Variants in SGCZ observed in about 807,000 individuals in gnomAD.
SGCZ encodes zeta-sarcoglycan.
A neutral mutation model predicts 41.3 loss-of-function variants in SGCZ; 40 were observed. The observed-to-expected ratio is 0.97, with a 90% CI of 0.75 to 1.26. SGCZ has a LOEUF of 1.26. Among genes scored for constraint, SGCZ ranks in the 50% most tolerant of loss-of-function variants. SGCZ has a pLI of 0.00. For missense variants in SGCZ, 552 were observed against 369.8 expected, an observed-to-expected ratio of 1.49 and a Z score of -4.04; for synonymous variants, 206 against 137.5, an observed-to-expected ratio of 1.50 and a Z score of -3.49.
intron 1 of SGCZ, among the ~76,000 whole-genome samples, chr8:14,752,379 G>C (rs999055521): frequency 6.6e-6 from 1 of 152,090 alleles, no homozygotes; most frequent in Admixed American, 6.6e-5. Flanking sequence ...GCCAGCCCTA[G>C]GTCTAACAAA....
chr8:14,153,494 G>A (rs1428502793), intron 5 of SGCZ, among the ~76,000 whole-genome samples: 1 of 152,110 alleles, frequency 6.6e-6, no homozygotes, highest in African/African-American at 2.4e-5. Context: ...ATCCCATAGA[G>A]TAAAGTGACC....
intron 1 of SGCZ, among the ~76,000 whole-genome samples, chr8:14,975,215 A>G (rs1801425048): frequency 6.6e-6 from 1 of 152,196 alleles, no homozygotes; most frequent in African/African-American, 2.4e-5. Context: ...CTGAGGCAGG[A>G]GAATCATTTG....
chr8:14,398,373 G>C lies in SGCZ; in HGVS notation c.235-74169C>G, dbSNP rs150107763. Among the ~76,000 whole-genome samples, 678 of 152,240 alleles carry C rather than the reference G, an allele frequency of 4.5e-3. 1 individual carries two copies. The highest frequency in any genetic ancestry group is 0.02 in the Middle Eastern group (6 of 294). ...ATTACTGATAGTTCTCACTGTTCAA[G>C]CATCCTTTCCTCCTAGATGTGAACT... On this transcript the variant is annotated intron_variant, in intron 2 of 7. Coordinates refer to ENST00000382080, the MANE Select transcript of SGCZ (RefSeq NM_139167.4).
intron 1 of SGCZ, among the ~76,000 whole-genome samples, chr8:14,720,973 A>G (rs1449980944): frequency 6.6e-6 from 1 of 152,050 alleles, no homozygotes; most frequent in Non-Finnish European, 1.5e-5. Flanking sequence ...GCAAAGGCCA[A>G]TAAGTTCTTA....
At chr8:14,518,894 CAA>C (rs370947291) in intron 2 of SGCZ, among the ~76,000 whole-genome samples, 6 of 128,198 alleles carry the variant, frequency 4.7e-5, no homozygotes, top group Admixed American at 8.2e-5. Context: ...CCATCTCTAC[CAA>C]AAAAAAAAAA....
chr8:14,549,473 T>G (rs984250117), intron 2 of SGCZ, among the ~76,000 whole-genome samples: 7 of 151,962 alleles, frequency 4.6e-5, no homozygotes, highest in African/African-American at 1.7e-4. Flanking sequence ...ATTAAAACAT[T>G]AAATTTGAAG....
At chr8:14,870,458 C>T (rs1039792861) in intron 1 of SGCZ, among the ~76,000 whole-genome samples, 1 of 152,102 alleles carries the variant, frequency 6.6e-6, no homozygotes, top group Admixed American at 6.6e-5. Flanking sequence ...AGGACTTAAA[C>T]ATAAGACTTA....
intron 1 of SGCZ, among the ~76,000 whole-genome samples, chr8:15,001,585 C>G (rs1002367876): frequency 6.6e-6 from 1 of 151,776 alleles, no homozygotes; most frequent in Non-Finnish European, 1.5e-5. Context: ...AAAAATAAGC[C>G]GGACATGTTG....
At chr8:14,624,920 A>G (rs1361643126) in intron 1 of SGCZ, among the ~76,000 whole-genome samples, 1 of 152,118 alleles carries the variant, frequency 6.6e-6, no homozygotes, top group African/African-American at 2.4e-5. Flanking sequence ...GAGGGTACAC[A>G]AAAGGTATAG....
chr8:15,011,392 A>C (rs1210345458), intron 1 of SGCZ, among the ~76,000 whole-genome samples: 1 of 152,222 alleles, frequency 6.6e-6, no homozygotes, highest in East Asian at 1.9e-4. Flanking sequence ...ATGTTTGTTA[A>C]AGCAATTCAA....
rs1802482921 is a variant in SGCZ at position 14,115,059 on chromosome 8, A to T, written c.548-6824T>A. The stretch of plus-strand genomic sequence containing the variant: ...TTCCTACCTCCAAAAAAAATGAAAA[A>T]ATTACAGTGGACGAGCAGAGCTTTC... On this transcript the variant is annotated intron_variant, in intron 5 of 7. Transcript: ENST00000382080. 2.0e-5 allele frequency among the ~76,000 whole-genome samples: 3 copies of T among 152,018 alleles called. No individual in the cohort carries two copies. In the South Asian group the frequency reaches 6.2e-4, roughly 31 times the overall value.
intron 2 of SGCZ, among the ~76,000 whole-genome samples, chr8:14,492,174 G>C (rs1314731100): frequency 7.9e-5 from 12 of 152,222 alleles, no homozygotes; most frequent in Non-Finnish European, 2.9e-5. Context: ...TGATGAAATT[G>C]TGTTGAATAA....
chr8:14,285,602 T>C (rs537080934), intron 3 of SGCZ, among the ~76,000 whole-genome samples: 58 of 152,146 alleles, frequency 3.8e-4, no homozygotes, highest in African/African-American at 1.1e-3. Flanking sequence ...AAACAAATGA[T>C]TCTTGCCATT....
chr8:14,940,023 A>C (rs1439607226), intron 1 of SGCZ, among the ~76,000 whole-genome samples: 1 of 152,126 alleles, frequency 6.6e-6, no homozygotes, highest in Non-Finnish European at 1.5e-5. Flanking sequence ...CAGTTAGGTG[A>C]CTGTTTACAA....
chr8:14,350,960 T>A (rs1803068690), intron 2 of SGCZ, among the ~76,000 whole-genome samples: 1 of 152,194 alleles, frequency 6.6e-6, no homozygotes, highest in African/African-American at 2.4e-5. Context: ...CCGTGTTGGA[T>A]AAAACCTGAG....
chr8:14,226,529 C>A (rs1806379599), intron 4 of SGCZ, among the ~76,000 whole-genome samples: 1 of 152,048 alleles, frequency 6.6e-6, no homozygotes, highest in African/African-American at 2.4e-5. Flanking sequence ...AACATAATGT[C>A]AATAGCTTTT....
intron 2 of SGCZ, among the ~76,000 whole-genome samples, chr8:14,384,869 T>C (rs958920253): frequency 1.3e-5 from 2 of 152,236 alleles, no homozygotes; most frequent in African/African-American, 4.8e-5. Context: ...TTATTTTTAA[T>C]TGGCAATTCT....
intron 1 of SGCZ, among the ~76,000 whole-genome samples, chr8:15,189,559 C>A (rs1341275478): frequency 1.5e-5 from 2 of 132,130 alleles, no homozygotes; most frequent in African/African-American, 4.9e-5. Flanking sequence ...TCATGAGGAC[C>A]TTGAAGCATT....
chr8:14,817,369 C>A (rs1303541124), intron 1 of SGCZ, among the ~76,000 whole-genome samples: 1 of 152,154 alleles, frequency 6.6e-6, no homozygotes, highest in African/African-American at 2.4e-5. Flanking sequence ...TAAGAGAGCC[C>A]CCAGTCCTCA....
Sources: allele counts gnomAD v4.1 joint callset (sites outside exome capture counted in the v4.1 genomes callset), GRCh38; gene constraint gnomAD v4.1.1; transcripts MANE v1.5; gene names NCBI Gene and HGNC (gene_info 2026-07-23, HGNC 2026-07-21).